Variants in SHPRH observed in about 807,000 individuals in gnomAD.
SHPRH encodes E3 ubiquitin-protein ligase SHPRH.
Under a neutral mutation model 202.5 loss-of-function variants are expected in SHPRH, and 106 were observed. The ratio of observed to expected loss-of-function variants is 0.52; its 90% CI spans 0.45 to 0.62. The LOEUF (loss-of-function observed/expected upper bound fraction) is 0.62, where lower values mean the gene tolerates loss of function less well. Ranked by LOEUF, SHPRH falls within the 20% of genes least tolerant of loss-of-function variation. SHPRH has a pLI of 0.00. For synonymous variants in SHPRH, 729 were observed against 686.0 expected, an observed-to-expected ratio of 1.06 and a Z score of -0.98; for missense variants, 1,710 against 2,020.0, an observed-to-expected ratio of 0.85 and a Z score of 2.94.
chr6:145,948,700 T>C (rs1462926029), intron 4 of SHPRH, among the ~76,000 whole-genome samples: 1 of 152,078 alleles, frequency 6.6e-6, no homozygotes, highest in Non-Finnish European at 1.5e-5. Flanking sequence ...TTTTAATAAA[T>C]CTTGCAATAA....
chr6:145,893,945 T>G (rs1583315470), intron 27 of SHPRH, among the ~76,000 whole-genome samples: 1 of 151,760 alleles, frequency 6.6e-6, no homozygotes, highest in Admixed American at 6.6e-5. Context: ...AGTTGGGAGA[T>G]CTTTAAAAAA....
At chr6:145,910,692 A>G in intron 24 of SHPRH, 56 bp from the exon 25 acceptor site, 1 of 1,431,030 alleles carries the variant, frequency 7.0e-7, no homozygotes, top group Non-Finnish European at 9.3e-7. Flanking sequence ...ACAATTTATA[A>G]GCATATTAAA....
chr6:145,933,564 T>C (rs1378039557), intron 13 of SHPRH, among the ~76,000 whole-genome samples: 1 of 152,330 alleles, frequency 6.6e-6, no homozygotes, highest in African/African-American at 2.4e-5. Context: ...ATGAAGATCC[T>C]CTAAGGTTAA....
chr6:145,862,234 G>C (rs1393940807), downstream of SHPRH, among the ~76,000 whole-genome samples: 1 of 152,076 alleles, frequency 6.6e-6, no homozygotes, highest in Non-Finnish European at 1.5e-5. Flanking sequence ...GGCCGAGGCA[G>C]GCGGATCACG....
intron 2 of SHPRH, 25 bp from the exon 3 acceptor site, chr6:145,952,503 A>C: frequency 6.3e-7 from 1 of 1,588,386 alleles, no homozygotes; most frequent in Non-Finnish European, 8.6e-7. Flanking sequence ...TCAAAATAAA[A>C]GTAGTTTCAT....
chr6:145,873,844 AC>A (rs1388615659), intron 2 of SHPRH, among the ~76,000 whole-genome samples: 1 of 152,058 alleles, frequency 6.6e-6, no homozygotes, highest in Non-Finnish European at 1.5e-5. Flanking sequence ...ACAGGTGAAG[AC>A]TTTTCAGTGT....
rs1787860804 is a variant in SHPRH, at chr6:145,950,479, A to G, written c.767T>C (p.Val256Ala). Residue 256 changes from valine (V) to alanine (A), a missense_variant, in exon 4 of 30, where the codon GTG becomes GCG. Val to Ala is a moderately conservative substitution (Grantham distance 64). Coordinates refer to ENST00000275233, the MANE Select transcript of SHPRH (RefSeq NM_001042683.3). ...CGGATCATCTTCATCCTCTTCCAAC[A>G]CATCTGTACATCACACAGCAAATGT... ...EKLHNSIIPDVLEEDEDDPES... is the reference protein window; with the variant it reads ...EKLHNSIIPDALEEDEDDPES... 1 of 1,612,326 alleles carries G rather than the reference A, an allele frequency of 6.2e-7. No individual in the cohort carries two copies. Among genetic ancestry groups the G allele is most frequent in the Non-Finnish European group, 8.5e-7 (1 of 1,178,948 alleles).
intron 14 of SHPRH, among the ~76,000 whole-genome samples, chr6:145,931,738 TCA>T (rs1785473469): frequency 6.6e-6 from 1 of 152,182 alleles, no homozygotes; most frequent in Non-Finnish European, 1.5e-5. Flanking sequence ...CTTTGCCTTG[TCA>T]CACACAGTCT....
Position 145,955,335 on chromosome 6 carries a change from T to G in SHPRH, c.-13A>C. 6.3e-7 allele frequency: 1 copy of G among 1,585,802 alleles called. No individual in the cohort carries two copies. On this transcript the variant is annotated 5_prime_UTR_variant, in exon 2 of 30. Transcript: ENST00000275233. ...GTCGGCTGCTCATTTTCAAGTTTTC[T>G]TGGCTGGTAACTGTGAACTCTAGAG...
chr6:145,893,355 A>G lies in SHPRH; in HGVS notation c.4734T>C (p.Asn1578=). Residue 1578 remains asparagine, a synonymous_variant, in exon 28 of 30, where the codon AAT becomes AAC. Transcript: ENST00000275233. ...LSAFKRDPQI[N]ILLLPLHTGS... ...CTGTGTGCAGGGGCAGCAGCAAAAT[A>G]TTGATTTGGGGATCACGTTTAAATG... 1 of 1,597,910 alleles carries G rather than the reference A, an allele frequency of 6.3e-7. No homozygotes were observed. The highest frequency in any genetic ancestry group is 8.5e-7 in the Non-Finnish European group (1 of 1,174,566).
chr6:145,867,631 T>TATATATATATATAGAG (rs1554220329), intron 2 of SHPRH, among the ~76,000 whole-genome samples: 14 of 22,312 alleles, frequency 6.3e-4, no homozygotes, highest in African/African-American at 6.5e-4. Context: ...TATATATATA[T>TATATATATATATAGAG]AGAGAGAGAG....
At chr6:145,868,450 T>A (rs2128688174) in intron 2 of SHPRH, among the ~76,000 whole-genome samples, 1 of 152,332 alleles carries the variant, frequency 6.6e-6, no homozygotes, top group African/African-American at 2.4e-5. Context: ...AAGCTTGGAT[T>A]TAAACCCAAG....
At chr6:145,910,244 G>T in intron 25 of SHPRH, 1 of 543,632 alleles carries the variant, frequency 1.8e-6, no homozygotes, top group Non-Finnish European at 3.3e-6. Flanking sequence ...CGCTAACCAT[G>T]TTTGAATAAG....
At chr6:145,914,509 A>C (rs1275121527) in intron 23 of SHPRH, among the ~76,000 whole-genome samples, 1 of 152,182 alleles carries the variant, frequency 6.6e-6, no homozygotes, top group African/African-American at 2.4e-5. Context: ...GCATGAATGC[A>C]GCCACAGACA....
At chr6:145,952,298 A>C (rs1462098950) in intron 3 of SHPRH, 51 bp downstream of exon 3, 5 of 1,505,806 alleles carry the variant, frequency 3.3e-6, no homozygotes, top group Non-Finnish European at 4.5e-6. Flanking sequence ...TAGAGGAAAA[A>C]ACTCACAACT....
At chr6:145,924,696 T>A (rs1784712495) in intron 17 of SHPRH, 43 bp downstream of exon 17, 1 of 1,564,922 alleles carries the variant, frequency 6.4e-7, no homozygotes, top group African/African-American at 1.4e-5. Flanking sequence ...CAAAATGATA[T>A]CTGGAGGCAA....
intron 2 of SHPRH, among the ~76,000 whole-genome samples, chr6:145,875,882 A>G (rs186387494): frequency 5.3e-5 from 8 of 152,326 alleles, no homozygotes; most frequent in Admixed American, 5.2e-4. Flanking sequence ...TGTGTGCTTC[A>G]TATTTTGAAG....
intron 8 of SHPRH, among the ~76,000 whole-genome samples, chr6:145,944,068 T>C (rs1168453606): frequency 6.6e-6 from 1 of 152,166 alleles, no homozygotes; most frequent in Non-Finnish European, 1.5e-5. Flanking sequence ...TGATATTTTG[T>C]TATTTACCTA....
chr6:145,891,078 T>G (rs537913093), intron 28 of SHPRH, among the ~76,000 whole-genome samples: 26 of 152,046 alleles, frequency 1.7e-4, no homozygotes, highest in Non-Finnish European at 3.4e-4. Context: ...TTTTAAAACT[T>G]AAGTGAGATA....
Sources: gnomAD v4.1 joint callset for allele counts (sites outside exome capture counted in the v4.1 genomes callset) on GRCh38, gnomAD v4.1.1 for gene constraint, MANE v1.5 for transcripts, NCBI Gene and HGNC (gene_info 2026-07-23, HGNC 2026-07-21) for gene names.